The following OPCML variants were observed in gnomAD, a reference collection of about 807,000 sequenced individuals.
The protein encoded by OPCML is opioid binding protein/cell adhesion molecule like.
A neutral mutation model predicts 37.8 loss-of-function variants in OPCML; 13 were observed. That is an observed-to-expected ratio of 0.34 (90% CI 0.22 to 0.55). The LOEUF (loss-of-function observed/expected upper bound fraction) is 0.55. Ranked by LOEUF, OPCML falls within the 20% of genes least tolerant of loss-of-function variation. The pLI is 0.91. For missense variants in OPCML, 341 were observed against 435.6 expected, an observed-to-expected ratio of 0.78 and a Z score of 1.93; for synonymous variants, 176 against 168.8, an observed-to-expected ratio of 1.04 and a Z score of -0.33.
intron 1 of OPCML, among the ~76,000 whole-genome samples, chr11:133,080,472 ATGT>A (rs760403773): frequency 4.0e-5 from 5 of 124,678 alleles, no homozygotes; most frequent in Admixed American, 8.3e-5. Context: ...TGGTAATCAA[ATGT>A]TTTTTTTTTT....
chr11:133,333,081 CAG>C (rs1424908182), intron 1 of OPCML, among the ~76,000 whole-genome samples: 1 of 151,884 alleles, frequency 6.6e-6, no homozygotes, highest in Non-Finnish European at 1.5e-5. Context: ...TATCTTGAGA[CAG>C]AGTCTCGTTT....
chr11:132,699,783 T>A (rs989738096), intron 2 of OPCML, among the ~76,000 whole-genome samples: 1 of 152,140 alleles, frequency 6.6e-6, no homozygotes, highest in Non-Finnish European at 1.5e-5. Flanking sequence ...TTTATATTTA[T>A]CAGGAATATT....
chr11:133,026,769 G>T lies in OPCML; in HGVS notation c.62-83759C>A, dbSNP rs142153325. 3.6e-3 allele frequency among the ~76,000 whole-genome samples: 541 copies of T among 152,204 alleles called. 5 individuals carry two copies. Among genetic ancestry groups the T allele is most frequent in the South Asian group, 0.012 (58 of 4,820 alleles). ...CCGCTAGTGTCTAAGTATGACAACTGTATATGATGCTTGCATATGTTGGAT... is the reference window on the plus strand; with the variant it reads ...CCGCTAGTGTCTAAGTATGACAACTTTATATGATGCTTGCATATGTTGGAT... On this transcript the variant is annotated intron_variant, in intron 1 of 7. Transcript: ENST00000524381.
intron 1 of OPCML, among the ~76,000 whole-genome samples, chr11:132,995,597 T>G (rs1946868714): frequency 6.6e-6 from 1 of 152,090 alleles, no homozygotes; most frequent in Non-Finnish European, 1.5e-5. Flanking sequence ...ATTAGATTAT[T>G]TAAATAAATG....
intron 1 of OPCML, among the ~76,000 whole-genome samples, chr11:133,265,062 T>G (rs1941617163): frequency 6.6e-6 from 1 of 151,738 alleles, no homozygotes; most frequent in Admixed American, 6.6e-5. Context: ...AGTGGGACAG[T>G]GAAATGGTGT....
intron 2 of OPCML, among the ~76,000 whole-genome samples, chr11:132,883,083 G>C (rs2725431): frequency 0.063 from 9,594 of 152,184 alleles, 440 homozygotes; most frequent in South Asian, 0.14. Context: ...AAAATGGTCC[G>C]ATCTGAGGGG....
intron 2 of OPCML, among the ~76,000 whole-genome samples, chr11:132,832,009 C>A (rs188290709): frequency 8.8e-4 from 133 of 151,954 alleles, no homozygotes; most frequent in Middle Eastern, 3.4e-3. Flanking sequence ...TCAAGTCCAT[C>A]GCACAATGCT....
At chr11:132,692,444 G>A (rs1365726758) in intron 2 of OPCML, among the ~76,000 whole-genome samples, 1 of 152,192 alleles carries the variant, frequency 6.6e-6, no homozygotes, top group Non-Finnish European at 1.5e-5. Context: ...GAGGACAGAT[G>A]ACATTAGTAA....
chr11:133,480,736 C>T (rs1282552920), intron 1 of OPCML, among the ~76,000 whole-genome samples: 2 of 152,206 alleles, frequency 1.3e-5, no homozygotes, highest in African/African-American at 4.8e-5. Context: ...GCATCTATTC[C>T]AGTGCCATCC....
intron 1 of OPCML, among the ~76,000 whole-genome samples, chr11:133,210,680 C>T (rs555069529): frequency 1.8e-4 from 28 of 152,038 alleles, no homozygotes; most frequent in Non-Finnish European, 3.2e-4. Context: ...ACATACATGG[C>T]TATTTTTTTT....
chr11:132,727,541 G>A lies in OPCML; in HGVS notation c.147-70222C>T, dbSNP rs75273661. Among the ~76,000 whole-genome samples the A allele has an allele frequency of 1.1e-4, 17 of 152,240 alleles. No individual in the cohort carries two copies. The East Asian group carries it at 2.9e-3, about 26-fold the overall frequency. On this transcript the variant is annotated intron_variant, in intron 2 of 7. Coordinates refer to ENST00000524381, the MANE Select transcript of OPCML (RefSeq NM_001012393.5). ...CCCCAGCTGCTCTCCTGGCACACCC[G>A]GAGCCCTAGAGCCCAGCACAGTCAT...
At chr11:133,400,810 A>G (rs1408926598) in intron 1 of OPCML, among the ~76,000 whole-genome samples, 1 of 152,150 alleles carries the variant, frequency 6.6e-6, no homozygotes, top group Non-Finnish European at 1.5e-5. Flanking sequence ...TTCAGATGCC[A>G]TGACTCAAGT....
At chr11:133,499,523 G>A (rs1270131840) in intron 1 of OPCML, among the ~76,000 whole-genome samples, 1 of 151,828 alleles carries the variant, frequency 6.6e-6, no homozygotes, top group African/African-American at 2.4e-5. Flanking sequence ...ACCTTTCCTT[G>A]GTCCCAAGGG....
At chr11:132,745,580 A>AAAGAAAGAAAG (rs71067390) in intron 2 of OPCML, among the ~76,000 whole-genome samples, 2 of 87,580 alleles carry the variant, frequency 2.3e-5, no homozygotes, top group African/African-American at 8.9e-5. Flanking sequence ...AAAAAAAAAA[A>AAAGAAAGAAAG]AAAGAAAGAA....
In OPCML at chr11:132,564,719, G is replaced by T. The variant is rs145514772; in HGVS notation, c.380-35533C>A. ...GTGTGCATGCATTATGCATTCTACA[G>T]TGTTAAAAAAAAAGCAGCAATTCTG... On this transcript the variant is annotated intron_variant, in intron 3 of 7. Transcript: ENST00000524381. Among the ~76,000 whole-genome samples, 16 of 152,074 alleles carry T rather than the reference G, an allele frequency of 1.1e-4. No individual in the cohort carries two copies. The East Asian group carries it at 3.1e-3, about 29-fold the overall frequency.
At chr11:132,640,794 A>C (rs1320817669) in intron 3 of OPCML, among the ~76,000 whole-genome samples, 1 of 152,142 alleles carries the variant, frequency 6.6e-6, no homozygotes, top group Non-Finnish European at 1.5e-5. Flanking sequence ...TCAGGTATTT[A>C]GAAGAGAGAG....
chr11:133,282,545 A>G (rs1054343053), intron 1 of OPCML, among the ~76,000 whole-genome samples: 1 of 152,184 alleles, frequency 6.6e-6, no homozygotes, highest in Non-Finnish European at 1.5e-5. Context: ...GAGAACCACC[A>G]CTAGGGCAGT....
intron 1 of OPCML, among the ~76,000 whole-genome samples, chr11:133,319,025 T>G (rs1370376534): frequency 6.6e-6 from 1 of 152,090 alleles, no homozygotes; most frequent in Non-Finnish European, 1.5e-5. Context: ...TGACTCTGTC[T>G]CAAAAAATAA....
intron 4 of OPCML, among the ~76,000 whole-genome samples, chr11:132,494,469 T>C (rs2096225116): frequency 6.6e-6 from 1 of 152,110 alleles, no homozygotes; most frequent in East Asian, 1.9e-4. Context: ...AAAACAGGGA[T>C]TTCTTCCCTC....
Sources: allele counts gnomAD v4.1 joint callset (sites outside exome capture counted in the v4.1 genomes callset), GRCh38; gene constraint gnomAD v4.1.1; transcripts MANE v1.5; gene names NCBI Gene and HGNC (gene_info 2026-07-23, HGNC 2026-07-21).